LRRTM4: variants seen among roughly 807,000 people sequenced by gnomAD.
LRRTM4 encodes leucine-rich repeat transmembrane neuronal protein 4.
LRRTM4 carries 25 observed loss-of-function variants against 47.6 expected under a neutral mutation model. That is an observed-to-expected ratio of 0.53 (90% CI 0.38 to 0.73). The LOEUF is 0.73. LRRTM4 is among the 30% of genes least tolerant of loss of function. The pLI, the probability that LRRTM4 is intolerant of heterozygous loss-of-function variation, is 0.00. For synonymous variants in LRRTM4, 311 were observed against 269.5 expected, an observed-to-expected ratio of 1.15 and a Z score of -1.51; for missense variants, 638 against 713.4, an observed-to-expected ratio of 0.89 and a Z score of 1.20.
At position 76,897,180 on chromosome 2, in the gene LRRTM4, G is replaced by A; in HGVS notation, c.1552-148264C>T. Reference sequence around the variant, plus strand: ...CAAGGCAAGCTTTCTGCTGAATTTTGCTTGTTTGCCCCGTGCAGAGTAGGC... The same window carrying A: ...CAAGGCAAGCTTTCTGCTGAATTTTACTTGTTTGCCCCGTGCAGAGTAGGC... On this transcript the variant is annotated intron_variant, in intron 3 of 3. Coordinates refer to ENST00000409884, the MANE Select transcript of LRRTM4 (RefSeq NM_001134745.3). Among the ~76,000 whole-genome samples the A allele has an allele frequency of 1.3e-5, 2 of 152,092 alleles. 1 individual carries two copies. Among genetic ancestry groups the A allele is most frequent in the Non-Finnish European group, 2.9e-5 (2 of 68,022 alleles).
chr2:77,114,075 G>A (rs1358601216), intron 3 of LRRTM4, among the ~76,000 whole-genome samples: 1 of 152,074 alleles, frequency 6.6e-6, no homozygotes, highest in East Asian at 1.9e-4. Context: ...AGATAACGAA[G>A]GCCCCGTGGG....
At chr2:77,069,967 T>G (rs1680096534) in intron 3 of LRRTM4, among the ~76,000 whole-genome samples, 1 of 152,148 alleles carries the variant, frequency 6.6e-6, no homozygotes, top group South Asian at 2.1e-4. Flanking sequence ...AGAAAGCTCT[T>G]AGGCCTGGCA....
chr2:77,513,417 G>A lies in LRRTM4; in HGVS notation c.1551+4901C>T, dbSNP rs1283713483. ...AAACACTGTGCTAGCTGAGTCACTC[G>A]TTTGAGAGATGCGTCACAGAGAAAC... On this transcript the variant is annotated intron_variant, in intron 3 of 3. Coordinates refer to ENST00000409884, the MANE Select transcript of LRRTM4 (RefSeq NM_001134745.3). 3.3e-5 allele frequency among the ~76,000 whole-genome samples: 5 copies of A among 152,194 alleles called. No homozygotes were observed. The South Asian group carries it at 6.2e-4, about 19-fold the overall frequency.
At chr2:77,072,778 G>A (rs557338083) in intron 3 of LRRTM4, among the ~76,000 whole-genome samples, 5 of 115,062 alleles carry the variant, frequency 4.3e-5, no homozygotes, top group Admixed American at 3.7e-4. Context: ...CAGCCTGGGC[G>A]ACAGAGTGAG....
At chr2:77,214,404 C>T (rs1674380307) in intron 3 of LRRTM4, among the ~76,000 whole-genome samples, 4 of 152,078 alleles carry the variant, frequency 2.6e-5, no homozygotes, top group Admixed American at 2.6e-4. Context: ...TGCCCAGCTT[C>T]GTGTCAGATG....
intron 3 of LRRTM4, among the ~76,000 whole-genome samples, chr2:76,912,079 C>A (rs1217785019): frequency 6.6e-6 from 1 of 151,948 alleles, no homozygotes; most frequent in Non-Finnish European, 1.5e-5. Flanking sequence ...CGCCACCATG[C>A]CCGGCTAATT....
At chr2:76,780,281 G>C (rs1415192099) in intron 3 of LRRTM4, among the ~76,000 whole-genome samples, 1 of 152,128 alleles carries the variant, frequency 6.6e-6, no homozygotes, top group Non-Finnish European at 1.5e-5. Context: ...GTTGTTCTCT[G>C]TATTTCCTGA....
At chr2:77,311,165 C>T (rs1677445410) in intron 3 of LRRTM4, among the ~76,000 whole-genome samples, 1 of 151,990 alleles carries the variant, frequency 6.6e-6, no homozygotes, top group Non-Finnish European at 1.5e-5. Flanking sequence ...TTAATTTCTT[C>T]AAGAACTTAG....
intron 3 of LRRTM4, chr2:77,516,770 C>T: frequency 1.0e-6 from 1 of 972,544 alleles, no homozygotes; most frequent in Non-Finnish European, 1.2e-6. Context: ...TTCAATGATA[C>T]ACAAAAAAGA....
chr2:76,788,951 A>G (rs1445530738), intron 3 of LRRTM4, among the ~76,000 whole-genome samples: 1 of 152,158 alleles, frequency 6.6e-6, no homozygotes, highest in African/African-American at 2.4e-5. Context: ...TTTATTTTCT[A>G]CATTGTACAG....
intron 3 of LRRTM4, among the ~76,000 whole-genome samples, chr2:77,015,935 A>C (rs1573454439): frequency 6.6e-6 from 1 of 151,646 alleles, no homozygotes. Context: ...TGGCCAACAT[A>C]GCGAAACCCT....
chr2:77,065,225 ACTC>A (rs973501964), intron 3 of LRRTM4, among the ~76,000 whole-genome samples: 3 of 151,800 alleles, frequency 2.0e-5, no homozygotes, highest in Non-Finnish European at 4.4e-5. Context: ...AGGAGGCAAA[ACTC>A]CTTTTCCACT....
chr2:77,439,306 C>A lies in LRRTM4; in HGVS notation c.1551+79012G>T, dbSNP rs546728597. Among the ~76,000 whole-genome samples the A allele has an allele frequency of 2.9e-4, 44 of 152,268 alleles. 1 individual carries two copies. Among genetic ancestry groups the A allele is most frequent in the African/African-American group, 1.1e-3 (44 of 41,556 alleles). The stretch of plus-strand genomic sequence containing the variant: ...ATATTTTTCTTCTTCCTCCCTTTCT[C>A]TTCTCTTTCCTTAAGTTTCTCTTCC... On this transcript the variant is annotated intron_variant, in intron 3 of 3. Coordinates refer to ENST00000409884, the MANE Select transcript of LRRTM4 (RefSeq NM_001134745.3).
chr2:76,862,043 C>G (rs1459597627), intron 3 of LRRTM4, among the ~76,000 whole-genome samples: 2 of 151,528 alleles, frequency 1.3e-5, no homozygotes, highest in Admixed American at 6.6e-5. Context: ...TTATATACAG[C>G]CACAGGTATT....
chr2:77,198,829 T>C (rs1255778541), intron 3 of LRRTM4, among the ~76,000 whole-genome samples: 1 of 152,108 alleles, frequency 6.6e-6, no homozygotes, highest in Non-Finnish European at 1.5e-5. Context: ...CAGAGCAATC[T>C]CTCACTAGCT....
chr2:77,072,692 G>C (rs559193149), intron 3 of LRRTM4, among the ~76,000 whole-genome samples: 1 of 151,440 alleles, frequency 6.6e-6, no homozygotes, highest in East Asian at 2.0e-4. Flanking sequence ...CCAGCTACTC[G>C]GGAGGCTGAG....
chr2:76,966,880 A>G (rs1030175112), intron 3 of LRRTM4, among the ~76,000 whole-genome samples: 6 of 151,426 alleles, frequency 4.0e-5, no homozygotes, highest in Admixed American at 1.3e-4. Flanking sequence ...GATTGCTTGT[A>G]TTGCCTTCAT....
intron 3 of LRRTM4, among the ~76,000 whole-genome samples, chr2:77,425,385 C>T (rs986563969): frequency 2.0e-5 from 3 of 152,246 alleles, no homozygotes; most frequent in Non-Finnish European, 4.4e-5. Flanking sequence ...ATTCTCCAAC[C>T]ATCATATTAC....
chr2:76,932,763 G>A (rs190476429), intron 3 of LRRTM4, among the ~76,000 whole-genome samples: 29 of 151,558 alleles, frequency 1.9e-4, no homozygotes, highest in East Asian at 1.4e-3. Flanking sequence ...ATATACACAC[G>A]TGTGTATACA....
Sources: gnomAD v4.1 joint callset for allele counts (sites outside exome capture counted in the v4.1 genomes callset) on GRCh38, gnomAD v4.1.1 for gene constraint, MANE v1.5 for transcripts, NCBI Gene and HGNC (gene_info 2026-07-23, HGNC 2026-07-21) for gene names.